The following MICU1 variants were observed in gnomAD, a reference collection of about 807,000 sequenced individuals.
The protein encoded by MICU1 is calcium uptake protein 1, mitochondrial.
Under a neutral mutation model 56.8 loss-of-function variants are expected in MICU1, and 45 were observed. The observed-to-expected ratio is 0.79, with a 90% CI of 0.62 to 1.02. MICU1 has a LOEUF of 1.02. MICU1 is among the 50% of genes least tolerant of loss of function. MICU1 has a pLI of 0.00. For missense variants in MICU1, 504 were observed against 587.1 expected (o/e 0.86, Z 1.46); for synonymous variants, 186 against 195.1 (o/e 0.95, Z 0.39).
chr10:72,472,240 G>A (rs1378692619), intron 8 of MICU1, among the ~76,000 whole-genome samples: 4 of 152,136 alleles, frequency 2.6e-5, no homozygotes, highest in Non-Finnish European at 2.9e-5. Flanking sequence ...AGCCCTCTAC[G>A]TACAACTAGA....
chr10:72,493,792 C>T (rs1021274914), intron 6 of MICU1, among the ~76,000 whole-genome samples: 4 of 152,112 alleles, frequency 2.6e-5, no homozygotes, highest in African/African-American at 9.7e-5. Context: ...CCGTCAACAT[C>T]ATTATACATG....
chr10:72,562,147 CTTTTTTTTTTTTTT>C (rs533702573), intron 3 of MICU1, among the ~76,000 whole-genome samples: 1 of 82,650 alleles, frequency 1.2e-5, no homozygotes, highest in Non-Finnish European at 2.2e-5. Context: ...TACATAAAAT[CTTTTTTTTTTTTTT>C]TTTTTTTTTT....
chr10:72,598,466 G>C (rs1390080897), intron 1 of MICU1, among the ~76,000 whole-genome samples: 1 of 152,000 alleles, frequency 6.6e-6, no homozygotes, highest in Non-Finnish European at 1.5e-5. Context: ...ATGTTGGCCA[G>C]GCTGGTCTTG....
At chr10:72,550,270 T>C (rs1252156040) in intron 4 of MICU1, among the ~76,000 whole-genome samples, 1 of 152,214 alleles carries the variant, frequency 6.6e-6, no homozygotes, top group Non-Finnish European at 1.5e-5. Context: ...ACCATTGTCT[T>C]ACAATTGCCT....
intron 5 of MICU1, among the ~76,000 whole-genome samples, chr10:72,512,789 T>C (rs1300031128): frequency 6.6e-6 from 1 of 152,138 alleles, no homozygotes; most frequent in Non-Finnish European, 1.5e-5. Flanking sequence ...AGCCTTGACC[T>C]CTGGGGCTCA....
At chr10:72,371,783 T>C (rs1862351592) in intron 11 of MICU1, among the ~76,000 whole-genome samples, 1 of 150,472 alleles carries the variant, frequency 6.6e-6, no homozygotes, top group Non-Finnish European at 1.5e-5. Context: ...AGGTGGGGCA[T>C]AGTGGCTCAC....
intron 6 of MICU1, among the ~76,000 whole-genome samples, chr10:72,496,944 G>A (rs1229439948): frequency 6.6e-6 from 1 of 152,154 alleles, no homozygotes; most frequent in African/African-American, 2.4e-5. Flanking sequence ...ACAATGTGCT[G>A]TATCAATATC....
intron 2 of MICU1, among the ~76,000 whole-genome samples, chr10:72,564,250 T>C (rs931601928): frequency 2.0e-5 from 3 of 151,640 alleles, no homozygotes; most frequent in Non-Finnish European, 4.4e-5. Context: ...TCTAAGAAAA[T>C]GGTGGCCTGG....
intron 8 of MICU1, among the ~76,000 whole-genome samples, chr10:72,438,273 C>A (rs1864801253): frequency 6.6e-6 from 1 of 152,182 alleles, no homozygotes; most frequent in Admixed American, 6.5e-5. Flanking sequence ...TACATGGAAA[C>A]TGAACAACTT....
chr10:72,464,168 T>C (rs575703443), intron 8 of MICU1, among the ~76,000 whole-genome samples: 2 of 152,062 alleles, frequency 1.3e-5, no homozygotes, highest in South Asian at 4.1e-4. Flanking sequence ...TGGTGGCACA[T>C]GCCTGTAATC....
At chr10:72,560,149 C>T (rs1840259560) in intron 3 of MICU1, 1 of 152,252 alleles carries the variant, frequency 6.6e-6, no homozygotes, top group Non-Finnish European at 1.5e-5. Flanking sequence ...AATACATGAT[C>T]AAAATGGAGA....
At chr10:72,407,520 TA>T (rs140447590) in intron 10 of MICU1, among the ~76,000 whole-genome samples, 1 of 152,056 alleles carries the variant, frequency 6.6e-6, no homozygotes. Flanking sequence ...CATATTGTCT[TA>T]AAAAAAGTCT....
chr10:72,448,145 G>GTGTGTGTGTT (rs1274080842), intron 8 of MICU1, among the ~76,000 whole-genome samples: 1 of 126,956 alleles, frequency 7.9e-6, no homozygotes, highest in Non-Finnish European at 1.6e-5. Flanking sequence ...GTGTGTGTGT[G>GTGTGTGTGTT]TGTGTCTGTG....
chr10:72,506,876 C>T (rs1018738013), intron 6 of MICU1, among the ~76,000 whole-genome samples: 2 of 152,062 alleles, frequency 1.3e-5, no homozygotes, highest in Non-Finnish European at 2.9e-5. Context: ...CATAACAAAT[C>T]AATGTGTATT....
chr10:72,611,530 A>G (rs1418611928), intron 1 of MICU1, among the ~76,000 whole-genome samples: 1 of 152,064 alleles, frequency 6.6e-6, no homozygotes, highest in Non-Finnish European at 1.5e-5. Context: ...CTGAGGCAGG[A>G]GAATTGCTTG....
chr10:72,405,958 T>G (rs1305887944), intron 10 of MICU1, among the ~76,000 whole-genome samples: 1 of 151,942 alleles, frequency 6.6e-6, no homozygotes, highest in African/African-American at 2.4e-5. Context: ...TCTCACCACT[T>G]CTATTCAATA....
intron 8 of MICU1, among the ~76,000 whole-genome samples, chr10:72,436,105 C>T (rs1450291406): frequency 1.3e-5 from 2 of 152,222 alleles, no homozygotes; most frequent in African/African-American, 4.8e-5. Flanking sequence ...CCCTGACCCC[C>T]ATGTAGCCTA....
At chr10:72,522,825 T>C (rs1202271783) in intron 5 of MICU1, among the ~76,000 whole-genome samples, 2 of 152,152 alleles carry the variant, frequency 1.3e-5, no homozygotes, top group Non-Finnish European at 2.9e-5. Context: ...AAAGGATTCA[T>C]ACTAGTGTCA....
chr10:72,531,203 GA>G (rs755688982), intron 5 of MICU1, among the ~76,000 whole-genome samples: 4 of 152,032 alleles, frequency 2.6e-5, no homozygotes, highest in Non-Finnish European at 5.9e-5. Context: ...AACAGAGGGA[GA>G]GGGAAAAAAA....
Sources: gnomAD v4.1 joint callset for allele counts (sites outside exome capture counted in the v4.1 genomes callset) on GRCh38, gnomAD v4.1.1 for gene constraint, MANE v1.5 for transcripts, NCBI Gene and HGNC (gene_info 2026-07-23, HGNC 2026-07-21) for gene names.